The following RHOQ variants were observed in gnomAD, a reference collection of about 807,000 sequenced individuals.
The protein encoded by RHOQ is rho-related GTP-binding protein RhoQ.
RHOQ carries 7 observed loss-of-function variants against 25.8 expected under a neutral mutation model. The ratio of observed to expected loss-of-function variants is 0.27; its 90% CI spans 0.15 to 0.51. The LOEUF (loss-of-function observed/expected upper bound fraction) is 0.51, where lower values mean the gene tolerates loss of function less well. RHOQ is among the 20% of genes least tolerant of loss of function. The pLI is 0.97. For synonymous variants in RHOQ, 97 were observed against 98.6 expected (o/e 0.98, Z 0.10); for missense variants, 165 against 260.6 (o/e 0.63, Z 2.53).
chr2:46,558,448 C>T (rs2103998332), intron 2 of RHOQ, among the ~76,000 whole-genome samples: 1 of 152,176 alleles, frequency 6.6e-6, no homozygotes, highest in East Asian at 1.9e-4. Flanking sequence ...TTTTTTCTCC[C>T]TTTGGAATTT....
Position 46,566,674 on chromosome 2 carries a change from A to G in RHOQ, c.202-9413A>G, listed in dbSNP as rs936252065. ...ACTTTCCATTGCAGGTGGGCCCTGC[A>G]GAGGGGTCCAAGCTGACTCCCTCTC... is the stretch of plus-strand genomic sequence containing the variant. On this transcript the variant is annotated intron_variant, in intron 2 of 4. Transcript: ENST00000238738. The surrounding 1 kb of genome is among the most constrained non-coding windows in gnomAD (Gnocchi z 4.2). Among the ~76,000 whole-genome samples the G allele has an allele frequency of 4.6e-5, 7 of 152,134 alleles. No homozygotes were observed. Among genetic ancestry groups the G allele is most frequent in the Non-Finnish European group, 4.4e-5 (3 of 68,024 alleles).
chr2:46,576,666 C>CA lies in RHOQ; in HGVS notation c.462+11dup. ...GAAACTAGCAAAAGAGGTAATGGAA[C>CA]ACTCACAGAATTTAAGCATGAATGT... On this transcript the variant is annotated intron_variant, in intron 4 of 4. Coordinates refer to ENST00000238738, the MANE Select transcript of RHOQ (RefSeq NM_012249.4). This position sits in a 1 kb window ranked among gnomAD's most constrained non-coding sequence, Gnocchi z 5.1. 2 of 1,511,462 alleles carry CA rather than the reference C, an allele frequency of 1.3e-6. No homozygotes were observed. The highest frequency in any genetic ancestry group is 1.2e-5 in the South Asian group (1 of 85,210). The allele number at this position is 1,511,462 out of a possible 1,614,324, so 93.6% of individuals were successfully genotyped here. A position where few individuals can be genotyped will look rare whatever the true frequency, so the allele number is the denominator to read the frequency against.
chr2:46,572,452 C>G (rs1387902508), intron 2 of RHOQ, among the ~76,000 whole-genome samples: 2 of 152,096 alleles, frequency 1.3e-5, no homozygotes, highest in African/African-American at 4.8e-5. Flanking sequence ...ATCGAGGACT[C>G]TTCAACAAGG....
intron 2 of RHOQ, among the ~76,000 whole-genome samples, chr2:46,561,424 C>G (rs1029675668): frequency 2.0e-5 from 3 of 151,910 alleles, no homozygotes; most frequent in African/African-American, 7.3e-5. Context: ...GTGGGAGCAG[C>G]CTATGTTCAT....
chr2:46,543,970 T>A (rs975471266), intron 2 of RHOQ, among the ~76,000 whole-genome samples, 158 bp downstream of exon 2: 2 of 152,034 alleles, frequency 1.3e-5, no homozygotes, highest in African/African-American at 4.8e-5. Context: ...GTCAGCAAAT[T>A]AGGAAAACAA....
chr2:46,578,774 A>C (rs1669232824), intron 4 of RHOQ, among the ~76,000 whole-genome samples: 1 of 151,732 alleles, frequency 6.6e-6, no homozygotes. Flanking sequence ...TGAATAAATA[A>C]ATAATGGTGG....
intron 2 of RHOQ, among the ~76,000 whole-genome samples, chr2:46,561,085 T>G (rs1421920206): frequency 6.6e-6 from 1 of 151,472 alleles, no homozygotes; most frequent in Non-Finnish European, 1.5e-5. Flanking sequence ...TATTAGTATA[T>G]ATATGTATAT....
Position 46,542,959 on chromosome 2 carries a change from G to C in RHOQ, c.-88G>C, listed in dbSNP as rs1319747017. 1 of 887,486 alleles carries C rather than the reference G, an allele frequency of 1.1e-6. No homozygotes were observed. The highest frequency in any genetic ancestry group is 1.4e-6 in the Non-Finnish European group (1 of 704,342). 55.0% of individuals were successfully genotyped at this position (887,486 alleles called of 1,614,324 possible). A position where few individuals can be genotyped will look rare whatever the true frequency, so the allele number is the denominator to read the frequency against. ...TGCGGCGCGGAGCGGCGGCGACGGCGGCGGACCCCCCAGGCGGGCTGGGGC... is the reference window on the plus strand; with the variant it reads ...TGCGGCGCGGAGCGGCGGCGACGGCCGCGGACCCCCCAGGCGGGCTGGGGC... On this transcript the variant is annotated 5_prime_UTR_variant, in exon 1 of 5. Transcript: ENST00000238738.
intron 2 of RHOQ, among the ~76,000 whole-genome samples, chr2:46,553,641 C>T (rs866462452): frequency 2.6e-5 from 4 of 151,810 alleles, no homozygotes; most frequent in African/African-American, 4.8e-5. Flanking sequence ...AGTGCAGTGG[C>T]ACGGTCTTGG....
At position 46,543,788 on chromosome 2, in the gene RHOQ, A is replaced by T. The variant is rs1427137328; in HGVS notation, c.177A>T (p.Leu59=). 1.2e-6 allele frequency: 2 copies of T among 1,613,660 alleles called. No individual in the cohort carries two copies. The highest frequency in any genetic ancestry group is 1.7e-6 in the Non-Finnish European group (2 of 1,179,840). Residue 59 remains leucine (L), a synonymous_variant, in exon 2 of 5, where the codon CTA becomes CTT. Coordinates refer to ENST00000238738, the MANE Select transcript of RHOQ (RefSeq NM_012249.4). The part of the protein sequence containing the change: ...SVTVGGKQYL[L]GLYDTAGQED... Reference sequence around the variant, plus strand: ...CCGTGGGGGGCAAGCAGTACCTCCTAGGACTCTATGACACGGCCGGACAGG... The same window carrying T: ...CCGTGGGGGGCAAGCAGTACCTCCTTGGACTCTATGACACGGCCGGACAGG...
At chr2:46,550,929 A>C (rs771466867) in intron 2 of RHOQ, among the ~76,000 whole-genome samples, 3 of 152,116 alleles carry the variant, frequency 2.0e-5, no homozygotes, top group African/African-American at 4.8e-5. Context: ...GGGCAAGTTC[A>C]TCGTGTGAAA....
In RHOQ at chr2:46,569,715, G is replaced by A. The variant is rs571057113; in HGVS notation, c.202-6372G>A. 1 of 152,162 alleles carries A rather than the reference G, an allele frequency of 6.6e-6. No individual in the cohort carries two copies. The highest frequency in any genetic ancestry group is 2.4e-5 in the African/African-American group (1 of 41,434). The allele number at this position is 152,162 out of a possible 1,614,324, so 9.4% of individuals were successfully genotyped here. A position where few individuals can be genotyped will look rare whatever the true frequency, so the allele number is the denominator to read the frequency against. On this transcript the variant is annotated intron_variant, in intron 2 of 4. Transcript: ENST00000238738. This position sits in a 1 kb window ranked among gnomAD's most constrained non-coding sequence, Gnocchi z 4.1. ...TAAATCAAAACATATGAAGATGACA[G>A]TAGCTAAAAGTAAGAAGCTAAACCT... is the stretch of plus-strand genomic sequence containing the variant.
In RHOQ at chr2:46,550,891, G is replaced by A. The variant is rs1668219940; in HGVS notation, c.201+7079G>A. ...CTTCCACAGGAGAAGGTGGGGGATCGGGCCACAGAAAGGTCCACTACACAA... is the reference window on the plus strand; with the variant it reads ...CTTCCACAGGAGAAGGTGGGGGATCAGGCCACAGAAAGGTCCACTACACAA... On this transcript the variant is annotated intron_variant, in intron 2 of 4. Coordinates refer to ENST00000238738, the MANE Select transcript of RHOQ (RefSeq NM_012249.4). 2.6e-5 allele frequency among the ~76,000 whole-genome samples: 4 copies of A among 152,122 alleles called. No homozygotes were observed. The South Asian group carries it at 6.2e-4, about 24-fold the overall frequency.
chr2:46,581,219 C>G lies in RHOQ; in HGVS notation c.*136C>G, dbSNP rs1669355879. On this transcript the variant is annotated 3_prime_UTR_variant, in exon 5 of 5. Transcript: ENST00000238738. ...GAAAACAAAACCTGTCCTCAGAATT[C>G]TATAAAGTGTATTAAGAATGTTCCT... 1.0e-6 allele frequency: 1 copy of G among 979,080 alleles called. No homozygotes were observed. Among genetic ancestry groups the G allele is most frequent in the Non-Finnish European group, 1.5e-6 (1 of 679,796 alleles). The allele number at this position is 979,080 out of a possible 1,614,324, so 60.6% of individuals were successfully genotyped here.
At chr2:46,563,858 G>T (rs13000560) in intron 2 of RHOQ, among the ~76,000 whole-genome samples, 32,832 of 151,462 alleles carry the variant, frequency 0.22, 4,269 homozygotes, top group Admixed American at 0.29. Flanking sequence ...TCCCTATGTT[G>T]CCCAGGCTGG....
chr2:46,555,948 G>A lies in RHOQ; in HGVS notation c.201+12136G>A, dbSNP rs959450132. ...AGAGAAATTGCTGGTGTGTCAAACT[G>A]CTTGATATGTAAGTTTCCTCCTCTT... On this transcript the variant is annotated intron_variant, in intron 2 of 4. Transcript: ENST00000238738. The surrounding 1 kb of genome is among the most constrained non-coding windows in gnomAD (Gnocchi z 4.3). 1.3e-5 allele frequency among the ~76,000 whole-genome samples: 2 copies of A among 152,194 alleles called. No homozygotes were observed. Among genetic ancestry groups the A allele is most frequent in the Non-Finnish European group, 2.9e-5 (2 of 68,032 alleles).
rs1393505986 is a variant in RHOQ at position 46,548,933 on chromosome 2, C to T, written c.201+5121C>T. Among the ~76,000 whole-genome samples the T allele has an allele frequency of 6.6e-6, 1 of 152,162 alleles. No homozygotes were observed. Among genetic ancestry groups the T allele is most frequent in the African/African-American group, 2.4e-5 (1 of 41,424 alleles). ...CCAAAGTCTGAATGCCCTGTGTTCC[C>T]CTCCTTGGGACTCTGATGTGGGTTT... is the stretch of plus-strand genomic sequence containing the variant. On this transcript the variant is annotated intron_variant, in intron 2 of 4. Transcript: ENST00000238738. This position sits in a 1 kb window ranked among gnomAD's most constrained non-coding sequence, Gnocchi z 5.2.
At chr2:46,543,279 G>A (rs1667894650) in intron 1 of RHOQ, 91 bp downstream of exon 1, 2 of 1,452,534 alleles carry the variant, frequency 1.4e-6, no homozygotes, top group Non-Finnish European at 1.9e-6. Flanking sequence ...CCTCCCCAGA[G>A]CGCACTCCTC....
Position 46,576,772 on chromosome 2 carries a change from C to T in RHOQ, c.462+116C>T, listed in dbSNP as rs1338559217. ...AGGTGGAGTGCTTTACATGCATTAT[C>T]TCATTTAATCCTTGCATGAACTCAG... On this transcript the variant is annotated intron_variant, in intron 4 of 4. Transcript: ENST00000238738. The surrounding 1 kb of genome is among the most constrained non-coding windows in gnomAD (Gnocchi z 5.1). 1.4e-5 allele frequency: 9 copies of T among 645,208 alleles called. 1 individual carries two copies. The Admixed American group carries it at 2.6e-4, about 19-fold the overall frequency. The allele number at this position is 645,208 out of a possible 1,614,324, so 40.0% of individuals were successfully genotyped here. A position where few individuals can be genotyped will look rare whatever the true frequency, so the allele number is the denominator to read the frequency against.
Sources: gnomAD v4.1 joint callset for allele counts (sites outside exome capture counted in the v4.1 genomes callset) on GRCh38, gnomAD v4.1.1 for gene constraint, Gnocchi (gnomAD v3.1) non-coding constraint, MANE v1.5 for transcripts, NCBI Gene and HGNC (gene_info 2026-07-23, HGNC 2026-07-21) for gene names.